SNRNP35: variants seen among roughly 807,000 people sequenced by gnomAD.
SNRNP35 encodes U11/U12 small nuclear ribonucleoprotein 35 kDa protein.
A neutral mutation model predicts 24.3 loss-of-function variants in SNRNP35; 16 were observed. That is an observed-to-expected ratio of 0.66 (90% CI 0.45 to 1.00). The LOEUF is 1.00. Among genes scored for constraint, SNRNP35 ranks in the 50% least tolerant of loss-of-function variants. The probability of loss-of-function intolerance (pLI) is 0.00; values close to 1 mark genes in which losing one functional copy is unlikely to be tolerated. For synonymous variants in SNRNP35, 106 were observed against 124.8 expected, an observed-to-expected ratio of 0.85 and a Z score of 1.00; for missense variants, 292 against 327.2, an observed-to-expected ratio of 0.89 and a Z score of 0.83.
chr12:123,460,676 G>T (rs1880565090), intron 1 of SNRNP35, among the ~76,000 whole-genome samples: 1 of 151,610 alleles, frequency 6.6e-6, no homozygotes, highest in East Asian at 1.9e-4. Flanking sequence ...GGAGGCTAGG[G>T]TGGGAGAGGC....
downstream of SNRNP35, chr12:123,471,917 T>C (rs1881213452): frequency 6.5e-6 from 1 of 153,554 alleles, no homozygotes; most frequent in African/African-American, 2.4e-5. Context: ...CTAGGCATTA[T>C]CAGGAACGCA....
At chr12:123,469,444 C>CT (rs1294745970), downstream of SNRNP35, among the ~76,000 whole-genome samples, 3 of 152,032 alleles carry the variant, frequency 2.0e-5, no homozygotes, top group African/African-American at 4.8e-5. Context: ...TGAACCACTG[C>CT]TCCTGGCCAT....
At chr12:123,460,426 A>G (rs772805044) in intron 1 of SNRNP35, among the ~76,000 whole-genome samples, 1 of 151,778 alleles carries the variant, frequency 6.6e-6, no homozygotes, top group Non-Finnish European at 1.5e-5. Context: ...GGCAATAATA[A>G]TATAGTACCT....
chr12:123,462,011 C>T (rs1039826849), intron 1 of SNRNP35, among the ~76,000 whole-genome samples: 2 of 152,154 alleles, frequency 1.3e-5, no homozygotes, highest in Admixed American at 1.3e-4. Flanking sequence ...TGAGCCACTG[C>T]GCCGGGCCAG....
chr12:123,472,452 T>G, exon 2 of SNRNP35: 2 of 1,431,946 alleles, frequency 1.4e-6, no homozygotes, highest in African/African-American at 1.4e-5. Context: ...CCGAGAGGCT[T>G]GAGGCAGCAA....
chr12:123,460,279 A>G (rs527857902), intron 1 of SNRNP35, among the ~76,000 whole-genome samples: 58 of 152,266 alleles, frequency 3.8e-4, no homozygotes, highest in African/African-American at 1.3e-3. Flanking sequence ...TATGAAAAGC[A>G]TCAGAGGAAA....
At position 123,461,327 on chromosome 12, in the gene SNRNP35, T is replaced by G. The variant is rs1214776749; in HGVS notation, c.-4+3111T>G. On this transcript the variant is annotated intron_variant, in intron 1 of 1. Coordinates refer to ENST00000526639, the MANE Select transcript of SNRNP35 (RefSeq NM_022717.4). The stretch of plus-strand genomic sequence containing the variant: ...ATTTTTAGTAGAGACGGGGTTTCAC[T>G]GTGTTAGCCAGGATGGTCTCAATCT... Among the ~76,000 whole-genome samples the G allele has an allele frequency of 2.0e-5, 3 of 146,992 alleles. No homozygotes were observed. The East Asian group carries it at 6.1e-4, about 30-fold the overall frequency.
intron 1 of SNRNP35, chr12:123,464,911 A>G (rs1399970797): frequency 6.6e-6 from 1 of 152,204 alleles, no homozygotes; most frequent in Non-Finnish European, 1.5e-5. Context: ...TAGTTTTAAA[A>G]AAGTCTATAT....
chr12:123,463,517 A>T (rs929209929), intron 1 of SNRNP35, among the ~76,000 whole-genome samples: 2 of 151,506 alleles, frequency 1.3e-5, no homozygotes, highest in South Asian at 2.1e-4. Context: ...AGCTGCGACT[A>T]CAGGCGTGTG....
Position 123,465,504 on chromosome 12 carries a change from A to T in SNRNP35, c.-3-34A>T. ...GGGTTGAATGAGTGGCTCAGAGTAG[A>T]GGCTCCATCCACGCTTGCTCTTATC... is the stretch of plus-strand genomic sequence containing the variant. On this transcript the variant is annotated intron_variant, in intron 1 of 1. Transcript: ENST00000526639. This position sits in a 1 kb window ranked among gnomAD's most constrained non-coding sequence, Gnocchi z 4.2. The T allele has an allele frequency of 6.6e-7, 1 of 1,518,958 alleles. No homozygotes were observed. The highest frequency in any genetic ancestry group is 8.8e-7 in the Non-Finnish European group (1 of 1,134,118). 94.1% of individuals were successfully genotyped at this position (1,518,958 alleles called of 1,614,324 possible).
intron 1 of SNRNP35, 140 bp downstream of exon 1, chr12:123,458,356 C>A: frequency 2.3e-6 from 1 of 443,120 alleles, no homozygotes; most frequent in Non-Finnish European, 3.0e-6. Flanking sequence ...GGTTGCGTTG[C>A]GGGGAGTGGG....
chr12:123,466,011 A>T lies in SNRNP35; in HGVS notation c.471A>T (p.Gly157=). The T allele has an allele frequency of 6.2e-7, 1 of 1,613,950 alleles. No individual in the cohort carries two copies. The highest frequency in any genetic ancestry group is 8.5e-7 in the Non-Finnish European group (1 of 1,179,998). The change falls in exon 2 of 2, where the codon GGA becomes GGT. Residue 157 remains glycine, a synonymous_variant. Transcript: ENST00000526639. ...AGTCTGGGCAACTGAGATTTGGGGG[A>T]CGGGACCGGCCTTTTCGAAAACCTA... The part of the protein sequence containing the change: ...KKESGQLRFG[G]RDRPFRKPIN...
At chr12:123,472,224 G>T in exon 2 of SNRNP35, 1 of 298,106 alleles carries the variant, frequency 3.4e-6, no homozygotes, top group South Asian at 6.6e-5. Context: ...GATGTATTTG[G>T]CTTAAAGAAG....
chr12:123,458,271 G>C, intron 1 of SNRNP35, 55 bp downstream of exon 1: 1 of 977,236 alleles, frequency 1.0e-6, no homozygotes, highest in Non-Finnish European at 1.2e-6. Context: ...AAGGAAGAGG[G>C]AGTGCGGCCC....
Position 123,465,417 on chromosome 12 carries a change from C to T in SNRNP35, c.-3-121C>T, listed in dbSNP as rs922711078. Reference sequence around the variant, plus strand: ...GAGGACTTAGCCTCTGTGGGTGTTCCCTTCCTTTCCTGTTTTTAAGAAGAG... The same window carrying T: ...GAGGACTTAGCCTCTGTGGGTGTTCTCTTCCTTTCCTGTTTTTAAGAAGAG... On this transcript the variant is annotated intron_variant, in intron 1 of 1. Transcript: ENST00000526639. This position sits in a 1 kb window ranked among gnomAD's most constrained non-coding sequence, Gnocchi z 4.2. 1.2e-5 allele frequency: 15 copies of T among 1,228,736 alleles called. No homozygotes were observed. The Admixed American group carries it at 2.2e-4, about 18-fold the overall frequency. 76.1% of individuals were successfully genotyped at this position (1,228,736 alleles called of 1,614,324 possible).
At chr12:123,458,283 G>A in intron 1 of SNRNP35, 67 bp downstream of exon 1, 1 of 958,268 alleles carries the variant, frequency 1.0e-6, no homozygotes, top group African/African-American at 1.8e-5. Flanking sequence ...GTGCGGCCCA[G>A]ACGCTGTGCC....
At chr12:123,467,987 C>T (rs1418477260), downstream of SNRNP35, among the ~76,000 whole-genome samples, 1 of 152,022 alleles carries the variant, frequency 6.6e-6, no homozygotes, top group Non-Finnish European at 1.5e-5. Context: ...TGTGAGATAC[C>T]ATCAGGACAA....
chr12:123,472,637 C>G, exon 2 of SNRNP35: 1 of 1,596,216 alleles, frequency 6.3e-7, no homozygotes, highest in Non-Finnish European at 8.5e-7. Context: ...GCACGTTTCT[C>G]TGTGTGTTGG....
Position 123,465,937 on chromosome 12 carries a change from AAAGGGTGGAT to A in SNRNP35, c.398_407del (p.Lys133ThrfsTer18). ...GGACTACGAGCTGGAAAGGACTCTC[AAAGGGTGGAT>A]CCCTCGGCGACTTGGAGGCGGTCTT... On this transcript the variant is annotated frameshift_variant, in exon 2 of 2. Coordinates refer to ENST00000526639, the MANE Select transcript of SNRNP35 (RefSeq NM_022717.4). LOFTEE classifies it high-confidence loss of function. The surrounding 1 kb of genome is among the most constrained non-coding windows in gnomAD (Gnocchi z 4.2). 4 of 1,613,976 alleles carry A rather than the reference AAAGGGTGGAT, an allele frequency of 2.5e-6. No homozygotes were observed. Among genetic ancestry groups the A allele is most frequent in the Non-Finnish European group, 3.4e-6 (4 of 1,179,932 alleles).
Sources: gnomAD v4.1 joint callset for allele counts (sites outside exome capture counted in the v4.1 genomes callset) on GRCh38, gnomAD v4.1.1 for gene constraint, Gnocchi (gnomAD v3.1) non-coding constraint, MANE v1.5 for transcripts, NCBI Gene and HGNC (gene_info 2026-07-23, HGNC 2026-07-21) for gene names.